MAGI2: variants seen among roughly 807,000 people sequenced by gnomAD.
The protein encoded by MAGI2 is membrane-associated guanylate kinase, WW and PDZ domain-containing protein 2.
In MAGI2, 35 loss-of-function variants were observed where a neutral mutation model predicts 133.3. The observed-to-expected ratio is 0.26, with a 90% CI of 0.20 to 0.35. The LOEUF is 0.35. MAGI2 is among the 10% of genes least tolerant of loss of function. The pLI is 1.00. For missense variants in MAGI2, 1,636 were observed against 1,863.4 expected, an observed-to-expected ratio of 0.88 and a Z score of 2.25; for synonymous variants, 729 against 710.6, an observed-to-expected ratio of 1.03 and a Z score of -0.41.
At chr7:79,375,634 C>G (rs149981190) in intron 1 of MAGI2, among the ~76,000 whole-genome samples, 1 of 151,866 alleles carries the variant, frequency 6.6e-6, no homozygotes, top group Non-Finnish European at 1.5e-5. Context: ...CTAGACAGAT[C>G]TAATTGTCCT....
intron 6 of MAGI2, among the ~76,000 whole-genome samples, chr7:78,408,277 C>G (rs1050943651): frequency 6.6e-6 from 1 of 151,998 alleles, no homozygotes; most frequent in South Asian, 2.1e-4. Context: ...ATATACTTCT[C>G]ATTTTTTACG....
intron 1 of MAGI2, among the ~76,000 whole-genome samples, chr7:79,132,227 T>A (rs1442493476): frequency 6.6e-6 from 1 of 152,146 alleles, no homozygotes; most frequent in Non-Finnish European, 1.5e-5. Flanking sequence ...AATTCTGAGA[T>A]TTTAGTGTAC....
intron 2 of MAGI2, among the ~76,000 whole-genome samples, chr7:78,712,028 G>A (rs569145890): frequency 6.6e-6 from 1 of 152,212 alleles, no homozygotes; most frequent in South Asian, 2.1e-4. Flanking sequence ...TTCCTCCACT[G>A]GACTGCAGGT....
chr7:78,972,310 T>G (rs905622250), intron 2 of MAGI2, among the ~76,000 whole-genome samples: 3 of 151,966 alleles, frequency 2.0e-5, no homozygotes, highest in Non-Finnish European at 4.4e-5. Flanking sequence ...AAATATTTCC[T>G]TCCTTACTAT....
At chr7:79,078,692 T>G (rs555693605) in intron 1 of MAGI2, among the ~76,000 whole-genome samples, 1 of 152,336 alleles carries the variant, frequency 6.6e-6, no homozygotes, top group East Asian at 1.9e-4. Flanking sequence ...TCTTGGTAAT[T>G]GGAAGTCAAT....
chr7:78,148,416 A>G (rs1823530990), intron 16 of MAGI2, among the ~76,000 whole-genome samples: 1 of 152,200 alleles, frequency 6.6e-6, no homozygotes, highest in South Asian at 2.1e-4. Flanking sequence ...GTTATAACTA[A>G]ACACATCTGT....
intron 2 of MAGI2, among the ~76,000 whole-genome samples, chr7:78,900,147 T>C (rs1367558754): frequency 6.6e-6 from 1 of 152,194 alleles, no homozygotes; most frequent in Non-Finnish European, 1.5e-5. Context: ...CCAAGTTCCA[T>C]TGCTGCCACT....
In MAGI2 at chr7:78,967,114, T is replaced by A. The variant is rs78417154; in HGVS notation, c.418+39976A>T. Among the ~76,000 whole-genome samples the A allele has an allele frequency of 2.0e-4, 31 of 151,616 alleles. No individual in the cohort carries two copies. In the East Asian group the frequency reaches 2.3e-3, roughly 11 times the overall value. On this transcript the variant is annotated intron_variant, in intron 2 of 21. Coordinates refer to ENST00000354212, the MANE Select transcript of MAGI2 (RefSeq NM_012301.4). ...CATCTTGCTGGTCTAACTTTTTTTT[T>A]AAATTTTCCTTAAAGACAAAATATT...
chr7:78,522,282 T>C (rs1001768611), intron 3 of MAGI2, among the ~76,000 whole-genome samples: 5 of 152,196 alleles, frequency 3.3e-5, no homozygotes, highest in African/African-American at 1.2e-4. Flanking sequence ...CACCCAACCA[T>C]CTGCAGCACT....
chr7:78,026,307 A>T (rs183630712), intron 21 of MAGI2, among the ~76,000 whole-genome samples: 8 of 152,358 alleles, frequency 5.3e-5, no homozygotes, highest in African/African-American at 1.9e-4. Context: ...GTGTTTCAAC[A>T]GCTTGTTTAT....
intron 10 of MAGI2, among the ~76,000 whole-genome samples, chr7:78,218,824 A>C (rs969814783): frequency 1.3e-5 from 2 of 152,170 alleles, no homozygotes; most frequent in Non-Finnish European, 2.9e-5. Flanking sequence ...GTGGGGACTA[A>C]TCTAGGTTTT....
chr7:78,209,858 C>G (rs1330475950), intron 10 of MAGI2, among the ~76,000 whole-genome samples: 1 of 152,212 alleles, frequency 6.6e-6, no homozygotes, highest in African/African-American at 2.4e-5. Flanking sequence ...GCATGCGTCA[C>G]TCCTCTTCAA....
chr7:78,174,082 C>T (rs114177424), intron 14 of MAGI2, among the ~76,000 whole-genome samples: 5,881 of 152,142 alleles, frequency 0.039, 161 homozygotes, highest in Non-Finnish European at 0.059. Context: ...AACTTAGAGG[C>T]CTCAGAAAAT....
Position 78,384,998 on chromosome 7 carries a change from G to T in MAGI2, c.1046-15785C>A, listed in dbSNP as rs547029967. 3.3e-5 allele frequency among the ~76,000 whole-genome samples: 5 copies of T among 152,114 alleles called. No individual in the cohort carries two copies. The South Asian group carries it at 6.2e-4, about 19-fold the overall frequency. ...ACGACAATTTTACATGCTGCTAAATGGTAACATCAGTTTTGCTTTTGCCGT... is the reference window on the plus strand; with the variant it reads ...ACGACAATTTTACATGCTGCTAAATTGTAACATCAGTTTTGCTTTTGCCGT... On this transcript the variant is annotated intron_variant, in intron 6 of 21. Transcript: ENST00000354212.
intron 1 of MAGI2, among the ~76,000 whole-genome samples, chr7:79,382,701 T>C (rs951783337): frequency 6.6e-6 from 1 of 151,626 alleles, no homozygotes; most frequent in Non-Finnish European, 1.5e-5. Flanking sequence ...ACATATTATA[T>C]TAAATAAATA....
At chr7:78,871,843 G>A (rs1795053432) in intron 2 of MAGI2, among the ~76,000 whole-genome samples, 1 of 152,056 alleles carries the variant, frequency 6.6e-6, no homozygotes, top group South Asian at 2.1e-4. Flanking sequence ...ACTGAGTTCA[G>A]TTTAAGAAAC....
chr7:78,957,264 CAAAAAAAAAAA>C, intron 2 of MAGI2, among the ~76,000 whole-genome samples: 1 of 42,660 alleles, frequency 2.3e-5, no homozygotes, highest in Admixed American at 2.6e-4. Context: ...GACTCCATCT[CAAAAAAAAAAA>C]AAAAAAAAAA....
chr7:78,516,790 G>A (rs908591452), intron 4 of MAGI2, among the ~76,000 whole-genome samples: 1 of 152,190 alleles, frequency 6.6e-6, no homozygotes, highest in Non-Finnish European at 1.5e-5. Flanking sequence ...CTCTAGGATG[G>A]TGCAGTGATA....
intron 9 of MAGI2, among the ~76,000 whole-genome samples, chr7:78,265,418 A>G (rs1469810443): frequency 6.6e-6 from 1 of 152,248 alleles, no homozygotes; most frequent in Non-Finnish European, 1.5e-5. Context: ...TTGGGAATTC[A>G]ATAGCATAAA....
Sources: gnomAD v4.1 joint callset for allele counts (sites outside exome capture counted in the v4.1 genomes callset) on GRCh38, gnomAD v4.1.1 for gene constraint, MANE v1.5 for transcripts, NCBI Gene and HGNC (gene_info 2026-07-23, HGNC 2026-07-21) for gene names.